Variants in PCDH11X observed in about 807,000 individuals in gnomAD.
PCDH11X encodes protocadherin 11 X-linked, also known as protocadherin-11 X-linked.
In PCDH11X, 18 loss-of-function variants were observed where a neutral mutation model predicts 53.3. The observed-to-expected ratio is 0.34, with a 90% confidence interval of 0.23 to 0.50. PCDH11X has a LOEUF of 0.50. Among genes scored for constraint, PCDH11X ranks in the 20% least tolerant of loss-of-function variants. The pLI, the probability that PCDH11X is intolerant of heterozygous loss-of-function variation, is 0.98. For missense variants in PCDH11X, 570 were observed against 1,032.4 expected, an observed-to-expected ratio of 0.55 and a Z score of 6.14; for synonymous variants, 279 against 393.3, an observed-to-expected ratio of 0.71 and a Z score of 3.44.
chrX:92,485,295 G>T (rs1406100143), intron 10 of PCDH11X, among the ~76,000 whole-genome samples: 1 of 110,770 alleles, frequency 9.0e-6, no homozygotes, highest in Non-Finnish European at 1.9e-5. Context: ...TTAATGATAA[G>T]AATAATGATG....
chrX:92,384,614 T>C (rs1165590823), intron 8 of PCDH11X, among the ~76,000 whole-genome samples: 9 of 91,873 alleles, frequency 9.8e-5, no homozygotes, highest in African/African-American at 2.8e-4. Context: ...GGAGTGCTGA[T>C]TGGTCAGTGG....
chrX:92,190,175 T>C (rs182703365), intron 6 of PCDH11X, among the ~76,000 whole-genome samples: 157 of 111,802 alleles, frequency 1.4e-3, no homozygotes, highest in African/African-American at 4.9e-3. Flanking sequence ...GATTGTCTTC[T>C]AGGGTTTTTT....
chrX:92,475,793 T>G (rs1024005945), intron 10 of PCDH11X, among the ~76,000 whole-genome samples: 6 of 111,828 alleles, frequency 5.4e-5, no homozygotes, highest in African/African-American at 2.0e-4. Flanking sequence ...TTTCTCTACC[T>G]CCTCTTTAAG....
intron 6 of PCDH11X, among the ~76,000 whole-genome samples, chrX:92,187,359 A>G (rs1180706437): frequency 9.0e-6 from 1 of 111,254 alleles, no homozygotes; most frequent in Non-Finnish European, 1.9e-5. Flanking sequence ...TTACATTGCA[A>G]TCTCCCAGAT....
intron 10 of PCDH11X, among the ~76,000 whole-genome samples, chrX:92,513,217 A>G (rs2074194656): frequency 9.2e-6 from 1 of 108,963 alleles, no homozygotes; most frequent in East Asian, 2.9e-4. Flanking sequence ...ACCCATTGCA[A>G]TTTGAATAAC....
At chrX:91,864,335 T>G (rs1602385322) in intron 5 of PCDH11X, among the ~76,000 whole-genome samples, 1 of 104,431 alleles carries the variant, frequency 9.6e-6, no homozygotes, top group Admixed American at 1.0e-4. Flanking sequence ...ATCTGTAAGA[T>G]TTACACTGAG....
intron 4 of PCDH11X, among the ~76,000 whole-genome samples, chrX:91,818,142 A>G (rs1181059487): frequency 2.7e-5 from 3 of 111,626 alleles, no homozygotes; most frequent in African/African-American, 9.8e-5. Flanking sequence ...CCATTTTCAC[A>G]TATTTTGTAC....
At chrX:92,473,446 C>A (rs370992329) in intron 10 of PCDH11X, among the ~76,000 whole-genome samples, 12 of 111,561 alleles carry the variant, frequency 1.1e-4, no homozygotes, top group African/African-American at 3.6e-4. Flanking sequence ...GTTTTGATTT[C>A]ATTGATTTAT....
At chrX:92,007,057 T>A (rs2062611505) in intron 6 of PCDH11X, among the ~76,000 whole-genome samples, 1 of 110,944 alleles carries the variant, frequency 9.0e-6, no homozygotes, top group Admixed American at 9.6e-5. Context: ...GGGTCACACC[T>A]GAAGCCAGCA....
intron 6 of PCDH11X, among the ~76,000 whole-genome samples, chrX:91,912,914 C>G (rs1941423447): frequency 8.9e-6 from 1 of 112,155 alleles, no homozygotes; most frequent in Non-Finnish European, 1.9e-5. Context: ...TACCTTCGAT[C>G]ACACATCCTG....
At chrX:92,073,545 G>A (rs887713614) in intron 6 of PCDH11X, among the ~76,000 whole-genome samples, 15 of 112,523 alleles carry the variant, frequency 1.3e-4, no homozygotes, top group Non-Finnish European at 3.7e-5. Context: ...ATCTTACCAT[G>A]TTTCATCCAC....
chrX:92,524,330 G>T (rs1366131999), intron 10 of PCDH11X, among the ~76,000 whole-genome samples: 1 of 109,920 alleles, frequency 9.1e-6, no homozygotes, highest in Non-Finnish European at 1.9e-5. Context: ...GGAAAATCCA[G>T]ATGTCCAAAT....
chrX:92,326,169 C>T (rs897051163), intron 8 of PCDH11X, among the ~76,000 whole-genome samples: 16 of 109,461 alleles, frequency 1.5e-4, no homozygotes, highest in African/African-American at 5.0e-4. Flanking sequence ...CAGCAGGTGG[C>T]TGAAATGGTT....
At chrX:92,460,407 G>T (rs1243290065) in intron 9 of PCDH11X, 1 of 882,506 alleles carries the variant, frequency 1.1e-6, no homozygotes, top group Non-Finnish European at 1.7e-6. Flanking sequence ...CCAAGATCAT[G>T]GCAGACATCC....
intron 10 of PCDH11X, among the ~76,000 whole-genome samples, chrX:92,539,099 A>G (rs1372206801): frequency 9.1e-6 from 1 of 109,716 alleles, no homozygotes; most frequent in Non-Finnish European, 1.9e-5. Context: ...TTAAATCTGC[A>G]TGGTGTTTTG....
intron 6 of PCDH11X, among the ~76,000 whole-genome samples, chrX:91,995,466 T>A (rs2062400310): frequency 9.0e-6 from 1 of 111,438 alleles, no homozygotes; most frequent in South Asian, 3.7e-4. Flanking sequence ...GCATTCTTGG[T>A]ACCTTTCTTG....
At position 92,593,194 on chromosome X, in the gene PCDH11X, C is replaced by T. The variant is rs185475027; in HGVS notation, c.3368-25070C>T. On this transcript the variant is annotated intron_variant, in intron 10 of 10. Coordinates refer to ENST00000682573, the MANE Select transcript of PCDH11X (RefSeq NM_032968.5). ...TTGCTAGATGCTTTAAGGTAATAAA[C>T]GGCTTCTATGACTTTTAATAATTGT... is the stretch of plus-strand genomic sequence containing the variant. Among the ~76,000 whole-genome samples, 46 of 110,687 alleles carry T rather than the reference C, an allele frequency of 4.2e-4. No homozygotes were observed. The East Asian group carries it at 5.1e-3, about 12-fold the overall frequency.
At chrX:91,783,368 C>T (rs888351848) in intron 1 of PCDH11X, among the ~76,000 whole-genome samples, 55 of 111,832 alleles carry the variant, frequency 4.9e-4, no homozygotes, top group Admixed American at 6.6e-4. Context: ...TTTTTGTCAC[C>T]GGACTGGATT....
At chrX:92,608,480 C>T (rs1027449010) in intron 10 of PCDH11X, among the ~76,000 whole-genome samples, 2 of 109,337 alleles carry the variant, frequency 1.8e-5, no homozygotes, top group South Asian at 3.8e-4. Context: ...TTTGTATTAT[C>T]GTTTGTCCTA....
Sources: gnomAD v4.1 joint callset for allele counts (sites outside exome capture counted in the v4.1 genomes callset) on GRCh38, gnomAD v4.1.1 for gene constraint, MANE v1.5 for transcripts, NCBI Gene and HGNC (gene_info 2026-07-23, HGNC 2026-07-21) for gene names.